Variants in LRRTM4 observed in about 807,000 individuals in gnomAD.
The protein encoded by LRRTM4 is leucine-rich repeat transmembrane neuronal protein 4.
Under a neutral mutation model 47.6 loss-of-function variants are expected in LRRTM4, and 25 were observed. The ratio of observed to expected loss-of-function variants is 0.53; its 90% CI spans 0.38 to 0.73. The LOEUF is 0.73. LRRTM4 is among the 30% of genes least tolerant of loss of function. The pLI is 0.00. For synonymous variants in LRRTM4, 311 were observed against 269.5 expected (o/e 1.15, Z -1.51); for missense variants, 638 against 713.4 (o/e 0.89, Z 1.20).
chr2:76,992,863 A>C (rs1215969579), intron 3 of LRRTM4, among the ~76,000 whole-genome samples: 2 of 149,034 alleles, frequency 1.3e-5, no homozygotes, highest in East Asian at 3.9e-4. Context: ...ATATTACTTG[A>C]CTTCAAATTA....
intron 3 of LRRTM4, among the ~76,000 whole-genome samples, chr2:76,893,702 C>A (rs1408854196): frequency 2.0e-5 from 3 of 151,660 alleles, no homozygotes; most frequent in Non-Finnish European, 4.4e-5. Context: ...CAAGTTTGAC[C>A]CAATAATAAA....
At position 76,927,140 on chromosome 2, in the gene LRRTM4, G is replaced by A. The variant is rs190709269; in HGVS notation, c.1552-178224C>T. Reference sequence around the variant, plus strand: ...TGCATTTGGTGTGGATCTCTATAGAGATCTTCATCAGTGATTATCTAACCT... The same window carrying A: ...TGCATTTGGTGTGGATCTCTATAGAAATCTTCATCAGTGATTATCTAACCT... On this transcript the variant is annotated intron_variant, in intron 3 of 3. Transcript: ENST00000409884. Among the ~76,000 whole-genome samples the A allele has an allele frequency of 7.3e-5, 11 of 149,708 alleles. No individual in the cohort carries two copies. In the East Asian group the frequency reaches 1.8e-3, roughly 24 times the overall value.
intron 3 of LRRTM4, among the ~76,000 whole-genome samples, chr2:77,185,732 C>A (rs1369067917): frequency 6.6e-6 from 1 of 152,050 alleles, no homozygotes; most frequent in African/African-American, 2.4e-5. Context: ...CTACACTATC[C>A]CCTGAGAATT....
At chr2:77,376,475 T>A (rs147917600) in intron 3 of LRRTM4, among the ~76,000 whole-genome samples, 111 of 151,178 alleles carry the variant, frequency 7.3e-4, no homozygotes, top group African/African-American at 2.4e-3. Flanking sequence ...AGATACCACA[T>A]TACATATCCT....
At chr2:76,902,348 TA>T (rs1306406357) in intron 3 of LRRTM4, among the ~76,000 whole-genome samples, 5 of 152,024 alleles carry the variant, frequency 3.3e-5, no homozygotes, top group Non-Finnish European at 7.4e-5. Context: ...AACCATGATT[TA>T]AAAAAAATAA....
At chr2:77,104,164 A>G (rs1469842532) in intron 3 of LRRTM4, among the ~76,000 whole-genome samples, 1 of 152,076 alleles carries the variant, frequency 6.6e-6, no homozygotes, top group Admixed American at 6.6e-5. Context: ...TGTCTCTTCA[A>G]TCCTATCAAT....
intron 3 of LRRTM4, among the ~76,000 whole-genome samples, chr2:76,991,225 A>T (rs1418497276): frequency 6.6e-6 from 1 of 151,442 alleles, no homozygotes; most frequent in Non-Finnish European, 1.5e-5. Context: ...CTAACATTAC[A>T]CCTAGAGGAA....
At chr2:77,021,846 T>C (rs904421559) in intron 3 of LRRTM4, among the ~76,000 whole-genome samples, 6 of 152,220 alleles carry the variant, frequency 3.9e-5, no homozygotes, top group Non-Finnish European at 5.9e-5. Context: ...TGATTTCATA[T>C]ACACATACAT....
At chr2:77,101,810 T>C (rs11126589) in intron 3 of LRRTM4, among the ~76,000 whole-genome samples, 59,894 of 151,954 alleles carry the variant, frequency 0.39, 13,581 homozygotes, top group East Asian at 0.7. Context: ...TTTTTAATAA[T>C]CTTGTTTGTA....
At chr2:77,344,611 G>C (rs911231968) in intron 3 of LRRTM4, among the ~76,000 whole-genome samples, 1 of 151,612 alleles carries the variant, frequency 6.6e-6, no homozygotes, top group Non-Finnish European at 1.5e-5. Context: ...GAAAGATTAT[G>C]ATATGGAAAA....
rs560285252 is a variant in LRRTM4, at chr2:76,780,381, A to G, written c.1552-31465T>C. 1.0e-3 allele frequency among the ~76,000 whole-genome samples: 156 copies of G among 152,046 alleles called. 2 individuals carry two copies. In the South Asian group the frequency reaches 0.011, roughly 10 times the overall value. ...TTTCCAACTTGGTTCCATTCTCCCC[A>G]TCACTTTCAGGTACACCAATCAGAC... On this transcript the variant is annotated intron_variant, in intron 3 of 3. Transcript: ENST00000409884.
At chr2:77,259,681 T>C (rs993631232) in intron 3 of LRRTM4, among the ~76,000 whole-genome samples, 1 of 152,088 alleles carries the variant, frequency 6.6e-6, no homozygotes, top group East Asian at 1.9e-4. Context: ...TAAGGTTATA[T>C]ATGAAGGATG....
intron 3 of LRRTM4, among the ~76,000 whole-genome samples, chr2:77,235,316 C>T (rs1404441652): frequency 2.0e-5 from 3 of 152,064 alleles, no homozygotes; most frequent in Non-Finnish European, 4.4e-5. Context: ...TGTTTGTTGG[C>T]TGCTCATATA....
chr2:77,490,548 G>A (rs768427024), intron 3 of LRRTM4, among the ~76,000 whole-genome samples: 7 of 151,970 alleles, frequency 4.6e-5, no homozygotes, highest in African/African-American at 1.7e-4. Flanking sequence ...AATCCTTAGC[G>A]AATGGTGACA....
chr2:76,928,097 A>G (rs1237555845), intron 3 of LRRTM4, among the ~76,000 whole-genome samples: 3 of 152,170 alleles, frequency 2.0e-5, no homozygotes, highest in African/African-American at 4.8e-5. Context: ...TGAGACATAT[A>G]ATAGTCACAT....
chr2:77,132,857 A>T (rs1414533416), intron 3 of LRRTM4, among the ~76,000 whole-genome samples: 1 of 152,178 alleles, frequency 6.6e-6, no homozygotes, highest in Non-Finnish European at 1.5e-5. Context: ...GGAAAATAAG[A>T]GACAGAAAGG....
intron 3 of LRRTM4, among the ~76,000 whole-genome samples, chr2:77,372,408 G>T (rs1441924024): frequency 6.6e-6 from 1 of 151,592 alleles, no homozygotes; most frequent in Admixed American, 6.6e-5. Context: ...CATTTTGCTA[G>T]GTGGGAAGCA....
intron 3 of LRRTM4, among the ~76,000 whole-genome samples, chr2:77,494,292 C>T (rs1678277581): frequency 1.3e-5 from 2 of 152,164 alleles, no homozygotes; most frequent in South Asian, 2.1e-4. Flanking sequence ...GTGCTATTAA[C>T]AACTTCATCT....
chr2:77,117,546 A>T (rs1328801417), intron 3 of LRRTM4, among the ~76,000 whole-genome samples: 4 of 151,868 alleles, frequency 2.6e-5, no homozygotes, highest in African/African-American at 9.7e-5. Context: ...TATCTGCTCC[A>T]TATGGGCATG....
Sources: gnomAD v4.1 joint callset for allele counts (sites outside exome capture counted in the v4.1 genomes callset) on GRCh38, gnomAD v4.1.1 for gene constraint, MANE v1.5 for transcripts, NCBI Gene and HGNC (gene_info 2026-07-23, HGNC 2026-07-21) for gene names.